Variants in MMP2 observed in about 807,000 individuals in gnomAD.
MMP2 encodes matrix metallopeptidase 2, also known as 72 kDa type IV collagenase.
Under a neutral mutation model 74.8 loss-of-function variants are expected in MMP2, and 39 were observed. That is an observed-to-expected ratio of 0.52 (90% confidence interval 0.40 to 0.68). MMP2 has a LOEUF of 0.68. MMP2 is among the 30% of genes least tolerant of loss of function. The pLI, the probability that MMP2 is intolerant of heterozygous loss-of-function variation, is 0.00. For synonymous variants in MMP2, 367 were observed against 339.8 expected (o/e 1.08, Z -0.88); for missense variants, 803 against 878.3 (o/e 0.91, Z 1.08).
At chr16:55,500,879 A>G (rs573284881) in intron 11 of MMP2, among the ~76,000 whole-genome samples, 25 of 152,358 alleles carry the variant, frequency 1.6e-4, no homozygotes, top group Non-Finnish European at 3.1e-4. Context: ...TGTCTTCAGC[A>G]TGCCAAGAAG....
Position 55,484,243 on chromosome 16 carries a change from C to T in MMP2, c.529+79C>T, listed in dbSNP as rs191408938. 1.0e-3 allele frequency: 1,550 copies of T among 1,516,352 alleles called. 2 individuals are homozygous for T. Among genetic ancestry groups the T allele is most frequent in the Non-Finnish European group, 1.3e-3 (1,406 of 1,116,610 alleles). The allele number at this position is 1,516,352 out of a possible 1,614,324, so 93.9% of individuals were successfully genotyped here. A position where few individuals can be genotyped will look rare whatever the true frequency, so the allele number is the denominator to read the frequency against. ...GGGGGTGAGATGGACATTAGAGGGG[C>T]GTGGGGATCCTAAGGGCGGCTTAGA... On this transcript the variant is annotated intron_variant, in intron 3 of 12. Transcript: ENST00000219070.
intron 7 of MMP2, among the ~76,000 whole-genome samples, chr16:55,490,150 C>T (rs377135050): frequency 7.2e-5 from 11 of 152,306 alleles, no homozygotes; most frequent in South Asian, 6.2e-4. Flanking sequence ...ACCCTCCAGG[C>T]GGGCTTGTGA....
At position 55,502,778 on chromosome 16, in the gene MMP2, G is replaced by T. The variant is rs1428758345; in HGVS notation, c.1770-1G>T. Reference sequence around the variant, plus strand: ...GGTTCACTGTGTCTGTTTCTTTACAGATACAATGAGGTGAAGAAGAAAATG... The same window carrying T: ...GGTTCACTGTGTCTGTTTCTTTACATATACAATGAGGTGAAGAAGAAAATG... On this transcript the variant is annotated splice_acceptor_variant, in intron 11 of 12. Transcript: ENST00000219070. LOFTEE classifies it high-confidence loss of function. 1 of 1,612,922 alleles carries T rather than the reference G, an allele frequency of 6.2e-7. No homozygotes were observed.
At chr16:55,487,535 C>T (rs533599484) in intron 5 of MMP2, 73 of 152,320 alleles carry the variant, frequency 4.8e-4, no homozygotes, top group African/African-American at 1.4e-3. Flanking sequence ...GGATACAGGG[C>T]CTCGAGTTCT....
intron 6 of MMP2, 57 bp downstream of exon 6, chr16:55,488,773 A>G: frequency 2.0e-6 from 3 of 1,533,820 alleles, no homozygotes; most frequent in Non-Finnish European, 2.6e-6. Flanking sequence ...CTGACAAAAA[A>G]AAAACCCATA....
chr16:55,489,995 G>T (rs1962364715), intron 7 of MMP2, among the ~76,000 whole-genome samples, 171 bp downstream of exon 7: 1 of 152,126 alleles, frequency 6.6e-6, no homozygotes, highest in Non-Finnish European at 1.5e-5. Context: ...CTCTGGTGGA[G>T]CCAAGGTCCC....
At position 55,491,976 on chromosome 16, in the gene MMP2, T is replaced by A; in HGVS notation, c.1336+20T>A. 1 of 1,583,536 alleles carries A rather than the reference T, an allele frequency of 6.3e-7. No homozygotes were observed. The highest frequency in any genetic ancestry group is 8.6e-7 in the Non-Finnish European group (1 of 1,162,364). ...TCTATGGTAAACCTCCGGGCGGGGG[T>A]TGGGGGTGGAGGGTGAGGAGGGGGG... On this transcript the variant is annotated intron_variant, in intron 8 of 12. Transcript: ENST00000219070.
At chr16:55,503,855 G>A (rs1459676972) in intron 12 of MMP2, among the ~76,000 whole-genome samples, 1 of 152,110 alleles carries the variant, frequency 6.6e-6, no homozygotes, top group Non-Finnish European at 1.5e-5. Context: ...TTATTGGCGG[G>A]CAAGATTAGG....
chr16:55,504,247 G>T (rs1258758642), intron 12 of MMP2, among the ~76,000 whole-genome samples: 1 of 152,136 alleles, frequency 6.6e-6, no homozygotes, highest in African/African-American at 2.4e-5. Context: ...GTACTTCTGT[G>T]TGACTTTTTG....
At chr16:55,479,660 C>A in intron 1 of MMP2, 28 bp downstream of exon 1, 1 of 1,613,518 alleles carries the variant, frequency 6.2e-7, no homozygotes. Flanking sequence ...CCTCAAGGAA[C>A]CACGTTTAGA....
chr16:55,504,964 T>C (rs1488954753), intron 12 of MMP2, among the ~76,000 whole-genome samples: 2 of 152,038 alleles, frequency 1.3e-5, no homozygotes, highest in African/African-American at 4.8e-5. Context: ...AGTTGAGTTT[T>C]TTTTTTGGCG....
chr16:55,500,432 A>G (rs1171581645), intron 11 of MMP2, among the ~76,000 whole-genome samples: 1 of 151,894 alleles, frequency 6.6e-6, no homozygotes, highest in African/African-American at 2.4e-5. Flanking sequence ...GTATCTATGT[A>G]AACATGCAAA....
At position 55,506,482 on chromosome 16, in the gene MMP2, G is replaced by A. The variant is rs573620043; in HGVS notation, c.*1040G>A. 5 of 152,310 alleles carry A rather than the reference G, an allele frequency of 3.3e-5. No individual in the cohort carries two copies. Among genetic ancestry groups the A allele is most frequent in the South Asian group, 2.1e-4 (1 of 4,830 alleles). 9.4% of individuals were successfully genotyped at this position (152,310 alleles called of 1,614,324 possible). On this transcript the variant is annotated 3_prime_UTR_variant, in exon 13 of 13. Transcript: ENST00000219070. ...TGTTGCTTTATTGTGGCATCTGTTC[G>A]AGGTTTGCTTCCTCTTTAAGTCTGT...
intron 9 of MMP2, among the ~76,000 whole-genome samples, 181 bp from the exon 10 acceptor site, chr16:55,496,745 A>G (rs565031009): frequency 6.6e-6 from 1 of 152,300 alleles, no homozygotes; most frequent in South Asian, 2.1e-4. Flanking sequence ...CAGCTCCAGC[A>G]GATTGCAGAC....
In MMP2 at chr16:55,491,966, C is replaced by A. The variant is rs375047862; in HGVS notation, c.1336+10C>A. 2 of 1,127,740 alleles carry A rather than the reference C, an allele frequency of 1.8e-6. No individual in the cohort carries two copies. Among genetic ancestry groups the A allele is most frequent in the Non-Finnish European group, 2.5e-6 (2 of 808,610 alleles). The allele number at this position is 1,127,740 out of a possible 1,614,324, so 69.9% of individuals were successfully genotyped here. ...ATTCAGGAGCTCTATGGTAAACCTCCGGGCGGGGGTTGGGGGTGGAGGGTG... is the reference window on the plus strand; with the variant it reads ...ATTCAGGAGCTCTATGGTAAACCTCAGGGCGGGGGTTGGGGGTGGAGGGTG... On this transcript the variant is annotated intron_variant, in intron 8 of 12. Coordinates refer to ENST00000219070, the MANE Select transcript of MMP2 (RefSeq NM_004530.6).
intron 12 of MMP2, 120 bp from the exon 13 acceptor site, chr16:55,505,219 C>T (rs1255825918): frequency 3.4e-6 from 3 of 893,248 alleles, no homozygotes; most frequent in Non-Finnish European, 5.7e-6. Flanking sequence ...CCTTTCAAAG[C>T]TCTCTTCTCG....
At chr16:55,479,119 C>A (rs921249472), upstream of MMP2, 1 of 173,444 alleles carries the variant, frequency 5.8e-6, no homozygotes, top group Non-Finnish European at 1.2e-5. Flanking sequence ...CCCGAGTGCG[C>A]CCCCCGCCCC....
chr16:55,493,315 T>A lies in MMP2; in HGVS notation c.1472+22T>A, dbSNP rs1291555420. On this transcript the variant is annotated intron_variant, in intron 9 of 12. Transcript: ENST00000219070. ...ACCGGTGAGTGCAGGAGCTTGCTTC[T>A]TGTCCTCCTTGTCTCCTGTCCTCTG... 1.9e-6 allele frequency: 3 copies of A among 1,613,924 alleles called. No homozygotes were observed. The African/African-American group carries it at 4.0e-5, about 22-fold the overall frequency.
chr16:55,495,874 G>A (rs1443716641), intron 9 of MMP2, among the ~76,000 whole-genome samples: 2 of 152,158 alleles, frequency 1.3e-5, no homozygotes, highest in Non-Finnish European at 2.9e-5. Flanking sequence ...GTTACCAGTG[G>A]CAGTTGGGGC....
Sources: gnomAD v4.1 joint callset for allele counts (sites outside exome capture counted in the v4.1 genomes callset) on GRCh38, gnomAD v4.1.1 for gene constraint, MANE v1.5 for transcripts, NCBI Gene and HGNC (gene_info 2026-07-23, HGNC 2026-07-21) for gene names.